POTEM: variants seen among roughly 807,000 people sequenced by gnomAD.
POTEM encodes putative POTE ankyrin domain family member M.
For missense variants in POTEM, 24 were observed against 343.0 expected (o/e 0.07, Z 7.35); for synonymous variants, 8 against 113.2 (o/e 0.07, Z 5.90).
At chr14:18,969,203 G>A (rs1245214134) in intron 1 of POTEM, among the ~76,000 whole-genome samples, 10 of 131,926 alleles carry the variant, frequency 7.6e-5, no homozygotes, top group African/African-American at 3.1e-4. Flanking sequence ...TCAGAGTATA[G>A]ATTAAAAATT....
At chr14:18,982,369 A>G (rs1299465600) in intron 6 of POTEM, among the ~76,000 whole-genome samples, 1 of 152,190 alleles carries the variant, frequency 6.6e-6, no homozygotes, top group Admixed American at 6.5e-5. Context: ...TCTGTAAAGG[A>G]CTAGGTGGGA....
chr14:19,002,692 T>C lies in POTEM; in HGVS notation c.*4027T>C, dbSNP rs1891404882. On this transcript the variant is annotated 3_prime_UTR_variant, in exon 11 of 11. Transcript: ENST00000547889. Reference sequence around the variant, plus strand: ...ACTCTCAGATGCCCATACCATAGTTTCTGTGCTAGTGGACCGTACCATATC... The same window carrying C: ...ACTCTCAGATGCCCATACCATAGTTCCTGTGCTAGTGGACCGTACCATATC... 6.6e-6 allele frequency among the ~76,000 whole-genome samples: 1 copy of C among 152,204 alleles called. No homozygotes were observed. Among genetic ancestry groups the C allele is most frequent in the Non-Finnish European group, 1.5e-5 (1 of 68,016 alleles).
intron 6 of POTEM, among the ~76,000 whole-genome samples, chr14:18,982,801 T>A (rs531089916): frequency 5.9e-5 from 4 of 67,978 alleles, no homozygotes; most frequent in African/African-American, 1.6e-4. Context: ...TAGCTTAATT[T>A]TTTTCCCGTA....
chr14:18,974,742 C>CTTTTTT (rs112378752), intron 3 of POTEM: 306 of 182,218 alleles, frequency 1.7e-3, no homozygotes, highest in South Asian at 4.4e-3. Flanking sequence ...ATTAATCTGA[C>CTTTTTT]TTTTTTTTTT....
At chr14:18,996,241 A>G (rs1314324080) in intron 9 of POTEM, among the ~76,000 whole-genome samples, 2 of 151,478 alleles carry the variant, frequency 1.3e-5, no homozygotes, top group Non-Finnish European at 2.9e-5. Context: ...ATACACAGAT[A>G]AAATTAATTC....
At chr14:18,981,385 GTTA>G (rs1428752410) in intron 6 of POTEM, among the ~76,000 whole-genome samples, 1 of 89,718 alleles carries the variant, frequency 1.1e-5, no homozygotes, top group African/African-American at 3.5e-5. Context: ...ACAGGAGCTT[GTTA>G]TTATCATTGT....
At chr14:18,985,927 A>AAG (rs1316492918) in intron 7 of POTEM, among the ~76,000 whole-genome samples, 1,028 of 82,396 alleles carry the variant, frequency 0.012, 1 homozygote, top group South Asian at 0.026. Flanking sequence ...AAAAAAAAAA[A>AAG]AATATTTTAA....
chr14:18,985,364 CT>C (rs1891152802), intron 6 of POTEM, 46 bp from the exon 7 acceptor site: 1 of 726,836 alleles, frequency 1.4e-6, no homozygotes, highest in Non-Finnish European at 1.9e-6. Context: ...TAGTTTTTAA[CT>C]GTTGTAAGTG....
Position 18,993,215 on chromosome 14 carries a change from A to T in POTEM, c.1410-3826A>T, listed in dbSNP as rs1341647615. ...ATGTCCGGCCACTAGCATTTTATTT[A>T]AAAAAATATTAGGGTGGTAAATGTA... On this transcript the variant is annotated intron_variant, in intron 9 of 10. Coordinates refer to ENST00000547889, the MANE Select transcript of POTEM (RefSeq NM_001145442.1). 3.4e-4 allele frequency among the ~76,000 whole-genome samples: 23 copies of T among 68,202 alleles called. 4 individuals are homozygous for T. The highest frequency in any genetic ancestry group is 1.8e-3 in the African/African-American group (23 of 12,936). The allele number at this position is 68,202 out of a possible 152,430, so 44.7% of individuals were successfully genotyped here. A position where few individuals can be genotyped will look rare whatever the true frequency, so the allele number is the denominator to read the frequency against.
intron 6 of POTEM, among the ~76,000 whole-genome samples, chr14:18,984,586 TC>T (rs1891142476): frequency 9.4e-6 from 1 of 106,384 alleles, no homozygotes; most frequent in Non-Finnish European, 1.8e-5. Context: ...TAAGGCAGCC[TC>T]AAGGAAGGAG....
intron 1 of POTEM, among the ~76,000 whole-genome samples, chr14:18,969,319 A>ATATATATGTATATACGTATATATATG (rs1890847213): frequency 4.4e-5 from 3 of 68,618 alleles, no homozygotes; most frequent in East Asian, 5.2e-4. Flanking sequence ...ATATATATGT[A>ATATATATGTATATACGTATATATATG]TATATATATA....
rs1203069870 is a variant in POTEM at position 18,980,882 on chromosome 14, GTTC to G, written c.1126+743_1126+745del. ...TATTGACTTTTTTGGAACAAGATGTGTTCTTCTACCTGCTGGTTAATTGTCATG... is the reference window on the plus strand; with the variant it reads ...TATTGACTTTTTTGGAACAAGATGTGTTCTACCTGCTGGTTAATTGTCATG... On this transcript the variant is annotated intron_variant, in intron 6 of 10. Coordinates refer to ENST00000547889, the MANE Select transcript of POTEM (RefSeq NM_001145442.1). The G allele has an allele frequency of 5.6e-5, 8 of 141,904 alleles. No homozygotes were observed. In the East Asian group the frequency reaches 1.4e-3, roughly 25 times the overall value. 8.8% of individuals were successfully genotyped at this position (141,904 alleles called of 1,614,324 possible). A position where few individuals can be genotyped will look rare whatever the true frequency, so the allele number is the denominator to read the frequency against.
chr14:19,000,179 TC>T lies in POTEM; in HGVS notation c.*1519del, dbSNP rs1385136861. Among the ~76,000 whole-genome samples, 1 of 99,566 alleles carries T rather than the reference TC, an allele frequency of 1.0e-5. No homozygotes were observed. The highest frequency in any genetic ancestry group is 5.2e-5 in the African/African-American group (1 of 19,356). The allele number at this position is 99,566 out of a possible 152,430, so 65.3% of individuals were successfully genotyped here. ...CGAGAGCAGTTGGTTGGAGTGAGCT[TC>T]CCCCAAAGTTCTACAATGTGGCTGA... On this transcript the variant is annotated 3_prime_UTR_variant, in exon 11 of 11. Transcript: ENST00000547889.
At chr14:18,968,219 C>T (rs1459436564) in intron 1 of POTEM, among the ~76,000 whole-genome samples, 3 of 152,328 alleles carry the variant, frequency 2.0e-5, no homozygotes, top group Non-Finnish European at 4.4e-5. Flanking sequence ...ATTATAATTT[C>T]CCTCCTAGAA....
At chr14:18,972,341 T>TTATTGAGCTGTTATTTGTGTTAGG (rs1419874612) in intron 1 of POTEM, among the ~76,000 whole-genome samples, 1 of 92,350 alleles carries the variant, frequency 1.1e-5, no homozygotes. Context: ...TATCTAACAA[T>TTATTGAGCTGTTATTTGTGTTAGG]TATTGAGCTG....
At chr14:18,996,226 C>G (rs1412338411) in intron 9 of POTEM, among the ~76,000 whole-genome samples, 3 of 151,436 alleles carry the variant, frequency 2.0e-5, no homozygotes, top group Admixed American at 6.6e-5. Flanking sequence ...TCACATCTCT[C>G]TCTCATACAC....
At position 19,002,799 on chromosome 14, in the gene POTEM, G is replaced by T. The variant is rs1891408576; in HGVS notation, c.*4134G>T. Among the ~76,000 whole-genome samples, 1 of 152,304 alleles carries T rather than the reference G, an allele frequency of 6.6e-6. No homozygotes were observed. The highest frequency in any genetic ancestry group is 1.5e-5 in the Non-Finnish European group (1 of 68,054). On this transcript the variant is annotated 3_prime_UTR_variant, in exon 11 of 11. Transcript: ENST00000547889. ...TCTCCATACTGCAGCCCTTTATATG[G>T]AAACTTCCTACATCACTTTGCTGTG... is the stretch of plus-strand genomic sequence containing the variant.
Position 18,967,793 on chromosome 14 carries a change from G to C in POTEM, c.308G>C (p.Cys103Ser), listed in dbSNP as rs766118364. ...TLRSKMGKWCCHCFPCCRGSG... is the reference protein window; with the variant it reads ...TLRSKMGKWCSHCFPCCRGSG... Reference sequence around the variant, plus strand: ...AGGAGCAAGATGGGCAAGTGGTGCTGCCACTGCTTCCCCTGCTGCAGGGGG... The same window carrying C: ...AGGAGCAAGATGGGCAAGTGGTGCTCCCACTGCTTCCCCTGCTGCAGGGGG... The change falls in exon 1 of 11, where the codon TGC becomes TCC. Residue 103 changes from cysteine to serine, a missense_variant. Physicochemically the swap from Cys to Ser is moderately radical, Grantham distance 112. Coordinates refer to ENST00000547889, the MANE Select transcript of POTEM (RefSeq NM_001145442.1). 8 of 1,601,320 alleles carry C rather than the reference G, an allele frequency of 5.0e-6. No homozygotes were observed. The South Asian group carries it at 8.8e-5, about 18-fold the overall frequency.
At chr14:18,985,805 T>C (rs1891167740) in intron 7 of POTEM, among the ~76,000 whole-genome samples, 1 of 141,850 alleles carries the variant, frequency 7.0e-6, no homozygotes, top group Non-Finnish European at 1.5e-5. Flanking sequence ...CTCAGGAGGC[T>C]GAGGCAGGAG....
Sources: gnomAD v4.1 joint callset for allele counts (sites outside exome capture counted in the v4.1 genomes callset) on GRCh38, gnomAD v4.1.1 for gene constraint, MANE v1.5 for transcripts, NCBI Gene and HGNC (gene_info 2026-07-23, HGNC 2026-07-21) for gene names.